Variants in SLC39A14 observed in about 807,000 individuals in gnomAD.
SLC39A14 encodes metal cation symporter ZIP14.
SLC39A14 carries 19 observed loss-of-function variants against 45.5 expected under a neutral mutation model. That is an observed-to-expected ratio of 0.42 (90% confidence interval 0.29 to 0.61). The LOEUF (loss-of-function observed/expected upper bound fraction) is 0.61, where lower values mean the gene tolerates loss of function less well. Among genes scored for constraint, SLC39A14 ranks in the 20% least tolerant of loss-of-function variants. The pLI is 0.22. For missense variants in SLC39A14, 447 were observed against 616.5 expected, an observed-to-expected ratio of 0.73 and a Z score of 2.91; for synonymous variants, 264 against 251.3, an observed-to-expected ratio of 1.05 and a Z score of -0.48.
In SLC39A14 at chr8:22,420,646, G is replaced by T; in HGVS notation, c.*948G>T. 1.0e-6 allele frequency: 1 copy of T among 985,444 alleles called. No individual in the cohort carries two copies. Among genetic ancestry groups the T allele is most frequent in the Non-Finnish European group, 1.2e-6 (1 of 829,944 alleles). 61.0% of individuals were successfully genotyped at this position (985,444 alleles called of 1,614,324 possible). On this transcript the variant is annotated 3_prime_UTR_variant, in exon 9 of 9. Coordinates refer to ENST00000381237, the MANE Select transcript of SLC39A14 (RefSeq NM_001128431.4). ...CCTCCCCCAGGTTGAGACGTCTGCA[G>T]AGTGGCAAGCTGACTTGTAGAAATG...
chr8:22,414,114 C>A (rs1835738743), intron 4 of SLC39A14, among the ~76,000 whole-genome samples: 1 of 152,126 alleles, frequency 6.6e-6, no homozygotes, highest in African/African-American at 2.4e-5. Flanking sequence ...CAGGAGCTTA[C>A]CCTAGGACAG....
intron 1 of SLC39A14, among the ~76,000 whole-genome samples, chr8:22,376,062 C>T (rs1833198589): frequency 6.6e-6 from 1 of 152,194 alleles, no homozygotes; most frequent in Non-Finnish European, 1.5e-5. Flanking sequence ...TTAGTTATTT[C>T]TCCTTAGTTT....
intron 1 of SLC39A14, among the ~76,000 whole-genome samples, chr8:22,387,432 G>A (rs1373076339): frequency 6.6e-6 from 1 of 152,156 alleles, no homozygotes; most frequent in Admixed American, 6.5e-5. Context: ...AGCTGGAAAG[G>A]GTAAGCCTTT....
rs1303751164 is a variant in SLC39A14 at position 22,401,735 on chromosome 8, C to T, written c.-15-2961C>T. Among the ~76,000 whole-genome samples the T allele has an allele frequency of 3.3e-5, 5 of 151,698 alleles. No homozygotes were observed. The East Asian group carries it at 7.8e-4, about 24-fold the overall frequency. ...ATTTTTACTACAGACGGGGTTTCAC[C>T]GTGTTGGCCAGGCTGGTCTCGAACT... On this transcript the variant is annotated intron_variant, in intron 1 of 8. Coordinates refer to ENST00000381237, the MANE Select transcript of SLC39A14 (RefSeq NM_001128431.4).
At chr8:22,371,338 T>C (rs2132150740) in intron 1 of SLC39A14, among the ~76,000 whole-genome samples, 1 of 150,792 alleles carries the variant, frequency 6.6e-6, no homozygotes, top group Admixed American at 6.7e-5. Context: ...ATGGCCCTCG[T>C]AGGCAGTGCA....
intron 1 of SLC39A14, among the ~76,000 whole-genome samples, chr8:22,399,622 C>T (rs1834736634): frequency 6.6e-6 from 1 of 152,246 alleles, no homozygotes; most frequent in East Asian, 1.9e-4. Context: ...AGCTGTGCTG[C>T]AGGGGAGAAA....
intron 1 of SLC39A14, among the ~76,000 whole-genome samples, chr8:22,369,635 C>T (rs1055567999): frequency 2.0e-5 from 3 of 152,170 alleles, no homozygotes; most frequent in Non-Finnish European, 4.4e-5. Flanking sequence ...GAGCGGGCAT[C>T]CTTGAAAGAC....
intron 1 of SLC39A14, among the ~76,000 whole-genome samples, chr8:22,395,641 T>A (rs1834342543): frequency 6.6e-6 from 1 of 152,248 alleles, no homozygotes; most frequent in East Asian, 1.9e-4. Context: ...TCTTTTTTAG[T>A]AAGCCTGCAT....
intron 1 of SLC39A14, chr8:22,393,307 G>T (rs1834185987): frequency 2.2e-6 from 2 of 897,850 alleles, no homozygotes; most frequent in Non-Finnish European, 2.7e-6. Flanking sequence ...CCGGGGCAGG[G>T]CCAAGCGAGG....
intron 1 of SLC39A14, among the ~76,000 whole-genome samples, chr8:22,384,765 C>G (rs1249071256): frequency 1.1e-5 from 1 of 91,122 alleles, no homozygotes; most frequent in Admixed American, 1.1e-4. Context: ...AAAAAAAAAT[C>G]TTGGCCGGGC....
At chr8:22,401,261 C>T (rs1176633681) in intron 1 of SLC39A14, among the ~76,000 whole-genome samples, 1 of 152,204 alleles carries the variant, frequency 6.6e-6, no homozygotes, top group Non-Finnish European at 1.5e-5. Flanking sequence ...AGCCACTCTG[C>T]CGCTGTTCCT....
intron 7 of SLC39A14, among the ~76,000 whole-genome samples, chr8:22,417,355 A>G (rs949371448): frequency 2.6e-5 from 4 of 152,180 alleles, no homozygotes; most frequent in Non-Finnish European, 5.9e-5. Flanking sequence ...TGGCAAATGG[A>G]GACGGGTCCT....
intron 1 of SLC39A14, chr8:22,379,566 T>C (rs1833388680): frequency 6.6e-6 from 1 of 152,274 alleles, no homozygotes; most frequent in African/African-American, 2.4e-5. Context: ...CCAGACACTT[T>C]GCAGTACAGT....
intron 1 of SLC39A14, among the ~76,000 whole-genome samples, chr8:22,369,461 C>T (rs1832815878): frequency 6.6e-6 from 1 of 152,202 alleles, no homozygotes; most frequent in African/African-American, 2.4e-5. Context: ...ATGTACATTG[C>T]CTGGTCTGTG....
chr8:22,415,043 A>T, intron 5 of SLC39A14, 141 bp downstream of exon 5: 1 of 1,012,412 alleles, frequency 9.9e-7, no homozygotes, highest in Non-Finnish European at 1.4e-6. Flanking sequence ...TGAGGAGACA[A>T]TCCCATTTCA....
At chr8:22,418,646 C>T (rs1836035177) in intron 8 of SLC39A14, among the ~76,000 whole-genome samples, 2 of 151,948 alleles carry the variant, frequency 1.3e-5, no homozygotes, top group South Asian at 2.1e-4. Context: ...ATCCTCCTCC[C>T]TCAGTCTCCC....
intron 1 of SLC39A14, among the ~76,000 whole-genome samples, chr8:22,378,718 C>G (rs1018880048): frequency 6.6e-6 from 1 of 152,192 alleles, no homozygotes; most frequent in African/African-American, 2.4e-5. Flanking sequence ...TCAGCAAATA[C>G]CTGCAGGCTC....
chr8:22,408,687 A>G (rs1027080443), intron 3 of SLC39A14, among the ~76,000 whole-genome samples, 191 bp downstream of exon 3: 2 of 152,064 alleles, frequency 1.3e-5, no homozygotes, highest in African/African-American at 4.8e-5. Context: ...GGCCTAGCAC[A>G]TTGTCAGACT....
In SLC39A14 at chr8:22,403,915, A is replaced by AAAACAAAC. The variant is rs144988599; in HGVS notation, c.-15-761_-15-754dup. 5.0e-4 allele frequency among the ~76,000 whole-genome samples: 75 copies of AAAACAAAC among 150,366 alleles called. 1 individual carries two copies. The highest frequency in any genetic ancestry group is 3.8e-3 in the East Asian group (19 of 4,942). On this transcript the variant is annotated intron_variant, in intron 1 of 8. Transcript: ENST00000381237. The stretch of plus-strand genomic sequence containing the variant: ...CCTGGGAGACAGAAAGACTGTCTCA[A>AAAACAAAC]AAACAAACAAACAAACAAACAAACA...
Sources: allele counts gnomAD v4.1 joint callset (sites outside exome capture counted in the v4.1 genomes callset), GRCh38; gene constraint gnomAD v4.1.1; transcripts MANE v1.5; gene names NCBI Gene and HGNC (gene_info 2026-07-23, HGNC 2026-07-21).